The following TAOK3 variants were observed in gnomAD, a reference collection of about 807,000 sequenced individuals.
TAOK3 encodes the protein TAO kinase 3.
TAOK3 carries 40 observed loss-of-function variants against 120.4 expected under a neutral mutation model. That is an observed-to-expected ratio of 0.33 (90% CI 0.26 to 0.43). The LOEUF is 0.43. Ranked by LOEUF, TAOK3 falls within the 20% of genes least tolerant of loss-of-function variation. The pLI, the probability that TAOK3 is intolerant of heterozygous loss-of-function variation, is 1.00. For missense variants in TAOK3, 821 were observed against 1,112.1 expected, an observed-to-expected ratio of 0.74 and a Z score of 3.72; for synonymous variants, 355 against 387.5, an observed-to-expected ratio of 0.92 and a Z score of 0.99.
rs1212615187 is a variant in TAOK3 at position 118,182,599 on chromosome 12, G to GTATATATATATATATA, written c.1330-1008_1330-993dup. Among the ~76,000 whole-genome samples the GTATATATATATATATA allele has an allele frequency of 3.0e-4, 28 of 93,884 alleles. 1 individual carries two copies. The East Asian group carries it at 6.8e-3, about 23-fold the overall frequency. The allele number at this position is 93,884 out of a possible 152,430, so 61.6% of individuals were successfully genotyped here. ...TGTATATGTGTGTGTGTGTGTGTGT[G>GTATATATATATATATA]TATATATATATATATATATATATAT... On this transcript the variant is annotated intron_variant, in intron 14 of 20. Transcript: ENST00000392533.
intron 2 of TAOK3, among the ~76,000 whole-genome samples, chr12:118,257,954 A>G (rs1322991262): frequency 6.6e-6 from 1 of 152,218 alleles, no homozygotes; most frequent in East Asian, 1.9e-4. Context: ...TATAGACATT[A>G]AATTATAAAG....
In TAOK3 at chr12:118,216,990, T is replaced by C. The variant is rs372139196; in HGVS notation, c.644-2880A>G. Among the ~76,000 whole-genome samples, 40 of 152,140 alleles carry C rather than the reference T, an allele frequency of 2.6e-4. 1 individual carries two copies. In the East Asian group the frequency reaches 6.6e-3, roughly 25 times the overall value. ...GAAGAAGAAGATAAATCACTATCTC[T>C]TTCTACTGTGCTTACCCTAATGGAT... On this transcript the variant is annotated intron_variant, in intron 9 of 20. Coordinates refer to ENST00000392533, the MANE Select transcript of TAOK3 (RefSeq NM_016281.4).
intron 1 of TAOK3, among the ~76,000 whole-genome samples, chr12:118,280,093 C>T (rs1438219161): frequency 7.0e-6 from 1 of 142,092 alleles, no homozygotes; most frequent in East Asian, 2.1e-4. Context: ...GATGGAGTCT[C>T]GCTCTGTCGA....
chr12:118,207,439 C>T (rs2038385992), intron 11 of TAOK3, among the ~76,000 whole-genome samples: 1 of 151,716 alleles, frequency 6.6e-6, no homozygotes, highest in Admixed American at 6.6e-5. Context: ...TTCTTTCTCT[C>T]AGAACAATGA....
intron 3 of TAOK3, among the ~76,000 whole-genome samples, chr12:118,251,688 C>G (rs1045512891): frequency 6.6e-6 from 1 of 152,228 alleles, no homozygotes; most frequent in African/African-American, 2.4e-5. Context: ...AGCAAATAAA[C>G]CACTAGGTCT....
intron 1 of TAOK3, among the ~76,000 whole-genome samples, chr12:118,289,701 C>G (rs1158013569): frequency 6.6e-6 from 1 of 151,892 alleles, no homozygotes; most frequent in Non-Finnish European, 1.5e-5. Context: ...AATTTAGAAA[C>G]AGAATGAACC....
chr12:118,280,881 G>C (rs1485224364), intron 1 of TAOK3, among the ~76,000 whole-genome samples: 1 of 152,164 alleles, frequency 6.6e-6, no homozygotes, highest in African/African-American at 2.4e-5. Flanking sequence ...TTTAAGCAGT[G>C]TTTAGTAGTT....
rs932181624 is a variant in TAOK3 at position 118,214,390 on chromosome 12, G to A, written c.644-280C>T. On this transcript the variant is annotated intron_variant, in intron 9 of 20. Coordinates refer to ENST00000392533, the MANE Select transcript of TAOK3 (RefSeq NM_016281.4). ...TTTTTCACATAGCTTCAAAAAATTG[G>A]CTTTTGCATATTTTCCCACAATAGG... 1.1e-4 allele frequency among the ~76,000 whole-genome samples: 16 copies of A among 152,028 alleles called. No homozygotes were observed. In the East Asian group the frequency reaches 2.1e-3, roughly 20 times the overall value.
chr12:118,178,887 G>C lies in TAOK3; in HGVS notation c.1567-1558C>G, dbSNP rs149176663. 5.9e-4 allele frequency among the ~76,000 whole-genome samples: 90 copies of C among 152,282 alleles called. No individual in the cohort carries two copies. The South Asian group carries it at 7.9e-3, about 13-fold the overall frequency. The stretch of plus-strand genomic sequence containing the variant: ...CCTGAAAGTGACCAAATCTGTTTCT[G>C]GTAACCACTGGGTGAAGGATATACG... On this transcript the variant is annotated intron_variant, in intron 15 of 20. Transcript: ENST00000392533.
At chr12:118,244,622 G>A (rs1199255431) in intron 4 of TAOK3, among the ~76,000 whole-genome samples, 1 of 143,666 alleles carries the variant, frequency 7.0e-6, no homozygotes, top group Admixed American at 7.6e-5. Flanking sequence ...TCCGCCTCCC[G>A]GGTTCACGCC....
intron 5 of TAOK3, among the ~76,000 whole-genome samples, chr12:118,239,768 C>T (rs1419711070): frequency 6.6e-6 from 1 of 152,158 alleles, no homozygotes; most frequent in Non-Finnish European, 1.5e-5. Context: ...TGAACTGAAT[C>T]TGAAGATGTA....
intron 1 of TAOK3, among the ~76,000 whole-genome samples, chr12:118,282,968 A>G (rs1228752016): frequency 6.6e-6 from 1 of 152,240 alleles, no homozygotes; most frequent in African/African-American, 2.4e-5. Context: ...CACACTATAA[A>G]TAACTTATTA....
chr12:118,172,374 T>C, intron 17 of TAOK3, 83 bp downstream of exon 17: 1 of 1,429,284 alleles, frequency 7.0e-7, no homozygotes. Flanking sequence ...GATATAGGAA[T>C]GGACCAGGCA....
intron 1 of TAOK3, among the ~76,000 whole-genome samples, chr12:118,274,364 G>A (rs374424322): frequency 4.9e-4 from 75 of 152,170 alleles, no homozygotes; most frequent in African/African-American, 1.8e-3. Context: ...TAATTTCTAC[G>A]TGGCAAATAA....
At chr12:118,313,122 CATAT>C (rs1191104408) in intron 1 of TAOK3, among the ~76,000 whole-genome samples, 1 of 151,962 alleles carries the variant, frequency 6.6e-6, no homozygotes, top group Non-Finnish European at 1.5e-5. Context: ...ATTTAAAAAT[CATAT>C]ATAAAGAGAC....
At chr12:118,343,681 T>G (rs1203113488) in intron 1 of TAOK3, among the ~76,000 whole-genome samples, 1 of 152,124 alleles carries the variant, frequency 6.6e-6, no homozygotes, top group Non-Finnish European at 1.5e-5. Context: ...TGAGAATTTT[T>G]GAGATTTAAT....
At chr12:118,218,265 T>C (rs546268619) in intron 9 of TAOK3, among the ~76,000 whole-genome samples, 136 of 152,248 alleles carry the variant, frequency 8.9e-4, no homozygotes, top group African/African-American at 3.2e-3. Flanking sequence ...ATGCAAAAGA[T>C]TAAAAAAATC....
In TAOK3 at chr12:118,164,089, G is replaced by A. The variant is rs973841266; in HGVS notation, c.1900-2062C>T. ...TGCAATCCCAGCACTTTGGGAGGCCGAGGCGGGTGGATCACGAGGTCAGGA... is the reference window on the plus strand; with the variant it reads ...TGCAATCCCAGCACTTTGGGAGGCCAAGGCGGGTGGATCACGAGGTCAGGA... On this transcript the variant is annotated intron_variant, in intron 17 of 20. Transcript: ENST00000392533. Among the ~76,000 whole-genome samples the A allele has an allele frequency of 4.6e-5, 7 of 151,622 alleles. No homozygotes were observed. The East Asian group carries it at 6.1e-4, about 13-fold the overall frequency.
At chr12:118,338,045 G>A (rs1425061307) in intron 1 of TAOK3, among the ~76,000 whole-genome samples, 3 of 152,144 alleles carry the variant, frequency 2.0e-5, no homozygotes, top group African/African-American at 7.2e-5. Flanking sequence ...TTACAAGTGC[G>A]TGTAAATCTA....
Sources: gnomAD v4.1 joint callset for allele counts (sites outside exome capture counted in the v4.1 genomes callset) on GRCh38, gnomAD v4.1.1 for gene constraint, MANE v1.5 for transcripts, NCBI Gene and HGNC (gene_info 2026-07-23, HGNC 2026-07-21) for gene names.